Variants in NCK2 observed in about 807,000 individuals in gnomAD.
NCK2 encodes the protein NCK adaptor protein 2, also known as cytoplasmic protein NCK2.
A neutral mutation model predicts 33.9 loss-of-function variants in NCK2; 16 were observed. The observed-to-expected ratio is 0.47, with a 90% CI of 0.32 to 0.72. NCK2 has a LOEUF of 0.72. NCK2 is among the 30% of genes least tolerant of loss of function. The pLI is 0.03. For missense variants in NCK2, 418 were observed against 537.3 expected (o/e 0.78, Z 2.19); for synonymous variants, 273 against 239.9 (o/e 1.14, Z -1.27).
Position 105,855,245 on chromosome 2 carries a change from G to T in NCK2, c.182G>T (p.Ser61Ile). The change falls in exon 3 of 5, where the codon AGC (serine) becomes ATC (isoleucine). Residue 61 changes from serine (S) to isoleucine (I), a missense_variant. Ser to Ile is a moderately radical substitution (Grantham distance 142, BLOSUM62 -2). Coordinates refer to ENST00000233154, the MANE Select transcript of NCK2 (RefSeq NM_003581.5). ...TCCAACTACGTGGAGCGGAAGAACA[G>T]CCTGAAGAAGGGCTCCCTCGTGAAG... ...VPSNYVERKN[S>I]LKKGSLVKNL... is the part of the protein sequence containing the mutation. The T allele has an allele frequency of 6.2e-7, 1 of 1,612,842 alleles. No homozygotes were observed. Among genetic ancestry groups the T allele is most frequent in the Non-Finnish European group, 8.5e-7 (1 of 1,179,436 alleles).
Position 105,842,512 on chromosome 2 carries a change from T to C in NCK2, c.-16-12536T>C, listed in dbSNP as rs73950509. The stretch of plus-strand genomic sequence containing the variant: ...AAAAATAAAAATCTGAATCATATTA[T>C]ACATATGCTTTATGACTGTGTTGTC... On this transcript the variant is annotated intron_variant, in intron 2 of 4. Transcript: ENST00000233154. 6.0e-3 allele frequency among the ~76,000 whole-genome samples: 919 copies of C among 152,342 alleles called. 14 individuals are homozygous for C. The highest frequency in any genetic ancestry group is 0.02 in the African/African-American group (826 of 41,576).
chr2:105,819,468 G>T (rs1675641791), intron 2 of NCK2, among the ~76,000 whole-genome samples: 1 of 152,148 alleles, frequency 6.6e-6, no homozygotes, highest in Non-Finnish European at 1.5e-5. Flanking sequence ...TGGATCATCA[G>T]AACTCATTAA....
In NCK2 at chr2:105,819,927, A is replaced by G. The variant is rs548995232; in HGVS notation, c.-17+3314A>G. Among the ~76,000 whole-genome samples, 473 of 150,792 alleles carry G rather than the reference A, an allele frequency of 3.1e-3. 5 individuals carry two copies. The highest frequency in any genetic ancestry group is 2.0e-3 in the Non-Finnish European group (134 of 67,486). ...GACTGTTGTAGCAGTTAAAAAAAAAATAGATAAAATATAGTCCCAGCCACC... is the reference window on the plus strand; with the variant it reads ...GACTGTTGTAGCAGTTAAAAAAAAAGTAGATAAAATATAGTCCCAGCCACC... On this transcript the variant is annotated intron_variant, in intron 2 of 4. Transcript: ENST00000233154.
intron 1 of NCK2, among the ~76,000 whole-genome samples, chr2:105,808,570 C>T (rs1489664833): frequency 6.6e-6 from 1 of 152,188 alleles, no homozygotes; most frequent in Non-Finnish European, 1.5e-5. Flanking sequence ...CAGTTTACTA[C>T]AAATGCCAGG....
intron 1 of NCK2, among the ~76,000 whole-genome samples, chr2:105,805,132 A>AATTTTTTT (rs1674982466): frequency 1.3e-5 from 2 of 152,344 alleles, no homozygotes; most frequent in African/African-American, 4.8e-5. Flanking sequence ...GATATTATAA[A>AATTTTTTT]ATAGTGCTTT....
intron 1 of NCK2, among the ~76,000 whole-genome samples, chr2:105,762,712 A>G (rs1689807065): frequency 6.6e-6 from 1 of 152,210 alleles, no homozygotes; most frequent in African/African-American, 2.4e-5. Context: ...CATAATAGTG[A>G]TGCACGTGTG....
chr2:105,848,250 T>C (rs780985936), intron 2 of NCK2, among the ~76,000 whole-genome samples: 14 of 152,150 alleles, frequency 9.2e-5, no homozygotes, highest in Non-Finnish European at 1.9e-4. Flanking sequence ...GGCAGAGTGG[T>C]CAAGCACCTT....
intron 1 of NCK2, among the ~76,000 whole-genome samples, chr2:105,813,040 G>T (rs529824978): frequency 6.6e-6 from 1 of 152,180 alleles, no homozygotes; most frequent in South Asian, 2.1e-4. Flanking sequence ...TAGCCCTTTC[G>T]TGGTGATCTT....
intron 2 of NCK2, among the ~76,000 whole-genome samples, chr2:105,817,118 G>A (rs1309998025): frequency 1.3e-5 from 2 of 150,642 alleles, no homozygotes; most frequent in African/African-American, 4.9e-5. Flanking sequence ...GGAGGTTGCA[G>A]TGAGCCAAGG....
intron 1 of NCK2, among the ~76,000 whole-genome samples, chr2:105,752,171 G>C (rs896513729): frequency 6.6e-6 from 1 of 152,144 alleles, no homozygotes; most frequent in Admixed American, 6.5e-5. Context: ...CGGAGTGTGA[G>C]TCTATACACT....
chr2:105,858,996 T>C (rs913585108), intron 3 of NCK2, among the ~76,000 whole-genome samples: 5 of 152,186 alleles, frequency 3.3e-5, no homozygotes, highest in Admixed American at 3.3e-4. Context: ...CCAGTTGATG[T>C]TTTTGAAGGG....
At chr2:105,764,472 A>G (rs1689869791) in intron 1 of NCK2, among the ~76,000 whole-genome samples, 1 of 152,254 alleles carries the variant, frequency 6.6e-6, no homozygotes, top group Non-Finnish European at 1.5e-5. Context: ...AGCTGCCTCA[A>G]AACCTGATGG....
At chr2:105,774,991 C>A (rs1690255539) in intron 1 of NCK2, among the ~76,000 whole-genome samples, 1 of 152,178 alleles carries the variant, frequency 6.6e-6, no homozygotes, top group African/African-American at 2.4e-5. Context: ...CCAGCCTGGG[C>A]TGTATAGCAA....
chr2:105,860,918 A>G (rs1677503948), intron 3 of NCK2, among the ~76,000 whole-genome samples: 1 of 150,744 alleles, frequency 6.6e-6, no homozygotes, highest in Non-Finnish European at 1.5e-5. Flanking sequence ...CACTCAGTGA[A>G]GCCGTGGATG....
chr2:105,892,076 G>A (rs62148193), intron 4 of NCK2, among the ~76,000 whole-genome samples: 10,090 of 151,990 alleles, frequency 0.066, 385 homozygotes, highest in Middle Eastern at 0.14. Flanking sequence ...GTGGCACATC[G>A]GGAGGCTGAG....
At chr2:105,749,940 G>T (rs539208644) in intron 1 of NCK2, among the ~76,000 whole-genome samples, 2 of 151,918 alleles carry the variant, frequency 1.3e-5, no homozygotes, top group African/African-American at 4.8e-5. Context: ...TGAGTCACGC[G>T]AATTGCTTGA....
At chr2:105,812,224 C>T (rs1489855812) in intron 1 of NCK2, among the ~76,000 whole-genome samples, 1 of 152,110 alleles carries the variant, frequency 6.6e-6, no homozygotes, top group African/African-American at 2.4e-5. Flanking sequence ...CTAAACCCTG[C>T]CTGGGAACCA....
At chr2:105,888,027 G>GA (rs781432567) in intron 4 of NCK2, among the ~76,000 whole-genome samples, 4 of 152,192 alleles carry the variant, frequency 2.6e-5, no homozygotes, top group Non-Finnish European at 5.9e-5. Flanking sequence ...CAGATACTCT[G>GA]AGCCCGGTGT....
intron 1 of NCK2, among the ~76,000 whole-genome samples, chr2:105,746,072 C>T (rs1425746836): frequency 1.3e-5 from 2 of 152,216 alleles, no homozygotes; most frequent in Non-Finnish European, 2.9e-5. Flanking sequence ...AGTATTGTAA[C>T]AGCTTCAGGG....
Sources: allele counts gnomAD v4.1 joint callset (sites outside exome capture counted in the v4.1 genomes callset), GRCh38; gene constraint gnomAD v4.1.1; transcripts MANE v1.5; gene names NCBI Gene and HGNC (gene_info 2026-07-23, HGNC 2026-07-21).